Variants in THADA observed in about 807,000 individuals in gnomAD.
The protein encoded by THADA is tRNA (32-2'-O)-methyltransferase regulator THADA.
A neutral mutation model predicts 219.8 loss-of-function variants in THADA; 213 were observed. That is an observed-to-expected ratio of 0.97 (90% CI 0.87 to 1.09). The LOEUF is 1.09. THADA is among the 50% of genes least tolerant of loss of function. THADA has a pLI of 0.00. For missense variants in THADA, 2,956 were observed against 2,311.3 expected (o/e 1.28, Z -5.72); for synonymous variants, 1,018 against 828.9 (o/e 1.23, Z -3.92).
chr2:43,323,052 G>A (rs1025965328), intron 30 of THADA, among the ~76,000 whole-genome samples: 9 of 151,870 alleles, frequency 5.9e-5, no homozygotes, highest in South Asian at 2.1e-4. Context: ...CTATATACTC[G>A]GTTCTGATCA....
At chr2:43,287,555 C>T (rs1171749479) in intron 34 of THADA, among the ~76,000 whole-genome samples, 1 of 152,166 alleles carries the variant, frequency 6.6e-6, no homozygotes, top group Non-Finnish European at 1.5e-5. Flanking sequence ...CCTCGGCCTC[C>T]CAAAGTGCTG....
chr2:43,343,833 T>A (rs1472871004), intron 30 of THADA: 1 of 288,804 alleles, frequency 3.5e-6, no homozygotes, highest in Non-Finnish European at 6.8e-6. Flanking sequence ...TGTTATAATA[T>A]CTAACACAGG....
At chr2:43,286,723 C>T (rs779480938) in intron 35 of THADA, among the ~76,000 whole-genome samples, 185 bp downstream of exon 35, 3 of 151,278 alleles carry the variant, frequency 2.0e-5, no homozygotes, top group Non-Finnish European at 4.4e-5. Flanking sequence ...GAAACTCCGT[C>T]TCAAAAAAAA....
chr2:43,287,808 C>A (rs567053574), intron 34 of THADA, among the ~76,000 whole-genome samples: 1 of 152,176 alleles, frequency 6.6e-6, no homozygotes, highest in Non-Finnish European at 1.5e-5. Context: ...GTCTCTCTTG[C>A]TTTTGGGAGT....
At chr2:43,530,139 T>C (rs1025439501) in intron 21 of THADA, among the ~76,000 whole-genome samples, 14 of 152,082 alleles carry the variant, frequency 9.2e-5, no homozygotes, top group Non-Finnish European at 1.6e-4. Flanking sequence ...AAAAGCAGTA[T>C]ATAATAATTT....
At chr2:43,455,297 C>T (rs990536812) in intron 26 of THADA, among the ~76,000 whole-genome samples, 11 of 152,064 alleles carry the variant, frequency 7.2e-5, no homozygotes, top group Non-Finnish European at 1.2e-4. Context: ...TTCATCTCAC[C>T]TCCCTGAGAG....
At position 43,349,293 on chromosome 2, in the gene THADA, C is replaced by T. The variant is rs1450348745; in HGVS notation, c.4228-5056G>A. 3.3e-5 allele frequency among the ~76,000 whole-genome samples: 5 copies of T among 152,146 alleles called. No homozygotes were observed. In the East Asian group the frequency reaches 7.7e-4, roughly 24 times the overall value. On this transcript the variant is annotated intron_variant, in intron 29 of 37. Coordinates refer to ENST00000405975, the MANE Select transcript of THADA (RefSeq NM_022065.5). ...GTCTGGAGAACCTGGAAGCAGTTAC[C>T]CTCTGTCCCTCACCCCTCCACTCTA...
At position 43,574,622 on chromosome 2, in the gene THADA, G is replaced by T; in HGVS notation, c.1443C>A (p.Ile481=). The T allele has an allele frequency of 6.2e-7, 1 of 1,613,966 alleles. No homozygotes were observed. The highest frequency in any genetic ancestry group is 1.1e-5 in the South Asian group (1 of 91,088). Residue 481 remains isoleucine (I), a synonymous_variant, in exon 11 of 38, where the codon ATC becomes ATA. Coordinates refer to ENST00000405975, the MANE Select transcript of THADA (RefSeq NM_022065.5). ...ATGACTGGTCTCCCATCACCTCTAA[G>T]ATTTGAGATGGAATAGTTTTATCTA... is the stretch of plus-strand genomic sequence containing the variant. ...LAIDKTIPSQ[I]LEVMGDQSLV... is the part of the protein sequence containing the mutation.
At chr2:43,480,695 G>A (rs1289670368) in intron 26 of THADA, among the ~76,000 whole-genome samples, 1 of 151,730 alleles carries the variant, frequency 6.6e-6, no homozygotes, top group Non-Finnish European at 1.5e-5. Context: ...GTGTGCACCT[G>A]TAATCCCAGC....
In THADA at chr2:43,548,538, C is replaced by A. The variant is rs531886486; in HGVS notation, c.3106+672G>T. ...GGCTCCACCCAGTTCGAGCTTCCTGCCTGCTTTGTTTACCTAAGCAAGCCT... is the reference window on the plus strand; with the variant it reads ...GGCTCCACCCAGTTCGAGCTTCCTGACTGCTTTGTTTACCTAAGCAAGCCT... On this transcript the variant is annotated intron_variant, in intron 20 of 37. Transcript: ENST00000405975. Among the ~76,000 whole-genome samples the A allele has an allele frequency of 5.3e-5, 8 of 152,296 alleles. No homozygotes were observed. In the South Asian group the frequency reaches 1.7e-3, roughly 32 times the overall value.
intron 29 of THADA, among the ~76,000 whole-genome samples, chr2:43,392,438 G>C (rs1301488363): frequency 6.6e-6 from 1 of 152,074 alleles, no homozygotes; most frequent in Non-Finnish European, 1.5e-5. Context: ...CACTGCTCCT[G>C]TCTGTAGAAT....
At chr2:43,515,539 T>C (rs1254450781) in intron 22 of THADA, among the ~76,000 whole-genome samples, 1 of 147,770 alleles carries the variant, frequency 6.8e-6, no homozygotes, top group Non-Finnish European at 1.5e-5. Flanking sequence ...TGTGTGTATA[T>C]ACATAACGAT....
intron 30 of THADA, among the ~76,000 whole-genome samples, chr2:43,323,151 T>C (rs1678942026): frequency 6.6e-6 from 1 of 152,150 alleles, no homozygotes. Context: ...TTTTGTTTTG[T>C]TTTGTTCTGA....
intron 29 of THADA, among the ~76,000 whole-genome samples, chr2:43,362,132 G>A (rs1371913829): frequency 6.6e-6 from 1 of 152,202 alleles, no homozygotes; most frequent in Non-Finnish European, 1.5e-5. Flanking sequence ...CCCAACGTAG[G>A]TCATTTCCTG....
At chr2:43,572,643 A>T (rs1699422853) in intron 12 of THADA, among the ~76,000 whole-genome samples, 171 bp downstream of exon 12, 1 of 152,172 alleles carries the variant, frequency 6.6e-6, no homozygotes. Context: ...AACTTTCAGT[A>T]GCTTGAAGAA....
intron 35 of THADA, among the ~76,000 whole-genome samples, chr2:43,280,193 G>A (rs950263018): frequency 1.1e-4 from 17 of 152,166 alleles, no homozygotes; most frequent in Non-Finnish European, 1.8e-4. Context: ...CCTCTGCCCT[G>A]CTCTCCTAGT....
chr2:43,416,597 G>A (rs1451838352), intron 28 of THADA, among the ~76,000 whole-genome samples: 1 of 152,106 alleles, frequency 6.6e-6, no homozygotes, highest in Non-Finnish European at 1.5e-5. Context: ...GGGGGCTGGT[G>A]GTCAGGGCAC....
At chr2:43,440,603 G>A (rs532536396) in intron 26 of THADA, among the ~76,000 whole-genome samples, 1 of 152,132 alleles carries the variant, frequency 6.6e-6, no homozygotes, top group Non-Finnish European at 1.5e-5. Flanking sequence ...AAATCTTTGA[G>A]TTTAGTATTG....
chr2:43,262,908 C>T (rs914504011), intron 36 of THADA, among the ~76,000 whole-genome samples: 3 of 152,158 alleles, frequency 2.0e-5, no homozygotes, highest in African/African-American at 7.2e-5. Flanking sequence ...AGTGTGAAAA[C>T]CACTGCTCTT....
Sources: allele counts gnomAD v4.1 joint callset (sites outside exome capture counted in the v4.1 genomes callset), GRCh38; gene constraint gnomAD v4.1.1; transcripts MANE v1.5; gene names NCBI Gene and HGNC (gene_info 2026-07-23, HGNC 2026-07-21).